Variants in FER1L6 observed in about 807,000 individuals in gnomAD.
The protein encoded by FER1L6 is fer-1-like protein 6.
In FER1L6, 177 loss-of-function variants were observed where a neutral mutation model predicts 219.2. The ratio of observed to expected loss-of-function variants is 0.81; its 90% confidence interval spans 0.71 to 0.91. The LOEUF (loss-of-function observed/expected upper bound fraction) is 0.91, where lower values mean the gene tolerates loss of function less well. FER1L6 is among the 40% of genes least tolerant of loss of function. The probability of loss-of-function intolerance (pLI) is 0.00; values close to 1 mark genes in which losing one functional copy is unlikely to be tolerated. For missense variants in FER1L6, 2,153 were observed against 2,259.9 expected (o/e 0.95, Z 0.96); for synonymous variants, 768 against 824.3 (o/e 0.93, Z 1.17).
chr8:124,004,770 G>T (rs563804263), intron 13 of FER1L6, among the ~76,000 whole-genome samples: 5 of 152,048 alleles, frequency 3.3e-5, no homozygotes, highest in Non-Finnish European at 5.9e-5. Flanking sequence ...AGGCCGAGGC[G>T]GGTGGATCGC....
chr8:123,985,759 T>G (rs1816543390), intron 11 of FER1L6: 1 of 229,134 alleles, frequency 4.4e-6, no homozygotes, highest in Admixed American at 5.3e-5. Flanking sequence ...AAACCCGTGT[T>G]TCACCAGCAG....
chr8:123,947,880 G>T (rs573947071), intron 1 of FER1L6, among the ~76,000 whole-genome samples: 12 of 152,292 alleles, frequency 7.9e-5, no homozygotes, highest in Admixed American at 4.6e-4. Context: ...AAAGATTTGG[G>T]TGTTGCTAGG....
At chr8:123,934,696 C>A (rs1317350528) in intron 1 of FER1L6, among the ~76,000 whole-genome samples, 1 of 152,074 alleles carries the variant, frequency 6.6e-6, no homozygotes, top group Non-Finnish European at 1.5e-5. Context: ...ATGGTTTTAG[C>A]CTCTGATGTG....
At chr8:123,975,369 C>A in intron 8 of FER1L6, 63 bp downstream of exon 8, 1 of 1,441,728 alleles carries the variant, frequency 6.9e-7, no homozygotes, top group South Asian at 1.4e-5. Context: ...TCTCTTTCCC[C>A]TCCCTCACCA....
intron 1 of FER1L6, among the ~76,000 whole-genome samples, chr8:123,870,705 A>G (rs562279884): frequency 6.6e-6 from 1 of 152,314 alleles, no homozygotes; most frequent in African/African-American, 2.4e-5. Flanking sequence ...TGATGAAACT[A>G]TCCTGTTTGG....
chr8:123,904,108 G>A (rs921690242), intron 1 of FER1L6, among the ~76,000 whole-genome samples: 1 of 152,106 alleles, frequency 6.6e-6, no homozygotes, highest in African/African-American at 2.4e-5. Flanking sequence ...AGGCCTGAAA[G>A]GGTGTGATTG....
chr8:124,002,664 T>A (rs1001182507), intron 12 of FER1L6, among the ~76,000 whole-genome samples: 3 of 151,064 alleles, frequency 2.0e-5, no homozygotes, highest in Admixed American at 2.0e-4. Flanking sequence ...TCCTTCCCTC[T>A]CTCCCCACTC....
chr8:124,043,986 T>C (rs1159856927), intron 20 of FER1L6, among the ~76,000 whole-genome samples: 1 of 152,214 alleles, frequency 6.6e-6, no homozygotes, highest in Non-Finnish European at 1.5e-5. Flanking sequence ...CCTAGCACAT[T>C]GTAGGTCCTG....
At chr8:124,033,462 T>C (rs375487611) in intron 18 of FER1L6, among the ~76,000 whole-genome samples, 14 of 152,276 alleles carry the variant, frequency 9.2e-5, no homozygotes, top group African/African-American at 3.1e-4. Context: ...TGTAGAGTGG[T>C]TGCCTTTACC....
intron 20 of FER1L6, among the ~76,000 whole-genome samples, 174 bp from the exon 21 acceptor site, chr8:124,045,593 A>ATTGT (rs545240128): frequency 1.1e-3 from 166 of 152,322 alleles, no homozygotes; most frequent in African/African-American, 3.7e-3. Context: ...GTTCCCTAGC[A>ATTGT]TTGTTTAGTA....
intron 1 of FER1L6, among the ~76,000 whole-genome samples, chr8:123,943,574 G>A (rs890944386): frequency 2.0e-5 from 3 of 152,164 alleles, no homozygotes; most frequent in African/African-American, 7.2e-5. Flanking sequence ...TCCTTCTTCC[G>A]AGACAGTGGT....
chr8:124,035,734 G>A (rs1819173439), intron 19 of FER1L6, among the ~76,000 whole-genome samples: 1 of 152,242 alleles, frequency 6.6e-6, no homozygotes, highest in Non-Finnish European at 1.5e-5. Context: ...TATGTAGGTT[G>A]AGTTTGCGTT....
In FER1L6 at chr8:123,986,089, G is replaced by C. The variant is rs763575455; in HGVS notation, c.1432G>C (p.Glu478Gln). 1 of 1,611,558 alleles carries C rather than the reference G, an allele frequency of 6.2e-7. No homozygotes were observed. Among genetic ancestry groups the C allele is most frequent in the African/African-American group, 1.3e-5 (1 of 74,852 alleles). ...GTAGATTGTACCAGAAAAAAATGAG[G>C]AATTTTTACTCTTTGGAGCATTTTT... Reference protein sequence around the residue: ...PPEIVPEKNEEFLLFGAFFEA... With the variant: ...PPEIVPEKNEQFLLFGAFFEA... The change falls in exon 12 of 41, where the codon GAA (glutamate) becomes CAA (glutamine). Residue 478 changes from glutamate (E) to glutamine (Q), a missense_variant. Coordinates refer to ENST00000522917, the MANE Select transcript of FER1L6 (RefSeq NM_001039112.2).
At chr8:124,086,099 T>C (rs1318543969) in intron 33 of FER1L6, among the ~76,000 whole-genome samples, 1 of 152,226 alleles carries the variant, frequency 6.6e-6, no homozygotes, top group Non-Finnish European at 1.5e-5. Context: ...TGTGTATCTT[T>C]ATAGGTAAAG....
chr8:123,946,366 C>T (rs1404217724), intron 1 of FER1L6, among the ~76,000 whole-genome samples: 1 of 152,192 alleles, frequency 6.6e-6, no homozygotes, highest in Non-Finnish European at 1.5e-5. Context: ...ATTCTCCTGC[C>T]TCAGTCTCCT....
At chr8:124,076,494 AG>A (rs1821299036) in intron 32 of FER1L6, among the ~76,000 whole-genome samples, 169 bp downstream of exon 32, 2 of 152,208 alleles carry the variant, frequency 1.3e-5, no homozygotes, top group South Asian at 4.1e-4. Flanking sequence ...TCCATGGAGC[AG>A]GGTTGAATTC....
chr8:123,874,255 A>T (rs79154928), intron 1 of FER1L6, among the ~76,000 whole-genome samples: 237 of 152,254 alleles, frequency 1.6e-3, no homozygotes, highest in African/African-American at 5.7e-3. Context: ...TGACGATTTC[A>T]TACCTTCTTT....
chr8:124,070,700 G>A, intron 30 of FER1L6, 102 bp downstream of exon 30: 4 of 1,042,322 alleles, frequency 3.8e-6, no homozygotes, highest in Non-Finnish European at 5.4e-6. Context: ...TGTGTGTAGG[G>A]AAAATCCTTA....
chr8:123,934,111 C>T (rs887040586), intron 1 of FER1L6, among the ~76,000 whole-genome samples: 1 of 152,158 alleles, frequency 6.6e-6, no homozygotes, highest in Admixed American at 6.5e-5. Context: ...TAATACTATA[C>T]TATTGATACT....
Sources: gnomAD v4.1 joint callset for allele counts (sites outside exome capture counted in the v4.1 genomes callset) on GRCh38, gnomAD v4.1.1 for gene constraint, MANE v1.5 for transcripts, NCBI Gene and HGNC (gene_info 2026-07-23, HGNC 2026-07-21) for gene names.